The following CNBD1 variants were observed in gnomAD, a reference collection of about 807,000 sequenced individuals.
The protein encoded by CNBD1 is cyclic nucleotide-binding domain-containing protein 1.
Under a neutral mutation model 54.4 loss-of-function variants are expected in CNBD1, and 71 were observed. That is an observed-to-expected ratio of 1.30 (90% CI 1.08 to 1.59). The LOEUF is 1.59. CNBD1 is among the 40% of genes most tolerant of loss of function. The pLI, the probability that CNBD1 is intolerant of heterozygous loss-of-function variation, is 0.00. For missense variants in CNBD1, 659 were observed against 518.0 expected, an observed-to-expected ratio of 1.27 and a Z score of -2.64; for synonymous variants, 182 against 170.7, an observed-to-expected ratio of 1.07 and a Z score of -0.51.
intron 4 of CNBD1, among the ~76,000 whole-genome samples, chr8:87,065,574 C>G (rs1324334350): frequency 6.6e-6 from 1 of 151,888 alleles, no homozygotes; most frequent in African/African-American, 2.4e-5. Flanking sequence ...GGAATATTTA[C>G]TAGGCACACT....
intron 4 of CNBD1, among the ~76,000 whole-genome samples, chr8:87,003,972 T>C (rs549034705): frequency 6.1e-4 from 92 of 152,040 alleles, no homozygotes; most frequent in Non-Finnish European, 1.2e-3. Context: ...GCAAGAACCA[T>C]AGGGAAAGAA....
At chr8:87,363,467 G>C (rs576816218) in intron 10 of CNBD1, among the ~76,000 whole-genome samples, 1 of 152,232 alleles carries the variant, frequency 6.6e-6, no homozygotes, top group African/African-American at 2.4e-5. Flanking sequence ...CCCACCAACA[G>C]TGTAAAAGTG....
chr8:87,306,674 C>T (rs1433333619), intron 8 of CNBD1, among the ~76,000 whole-genome samples: 6 of 151,886 alleles, frequency 4.0e-5, no homozygotes, highest in East Asian at 1.9e-4. Flanking sequence ...GAAAACCAAA[C>T]ATCATATGTT....
At chr8:86,874,706 G>T (rs1275940834) in intron 1 of CNBD1, among the ~76,000 whole-genome samples, 2 of 151,730 alleles carry the variant, frequency 1.3e-5, no homozygotes, top group Non-Finnish European at 2.9e-5. Context: ...TATATATTTT[G>T]ATCACATTGT....
intron 2 of CNBD1, among the ~76,000 whole-genome samples, chr8:87,410,466 C>A (rs1205486951): frequency 6.6e-6 from 1 of 152,058 alleles, no homozygotes; most frequent in African/African-American, 2.4e-5. Flanking sequence ...TAAATTGCTG[C>A]AATTTCATAA....
intron 5 of CNBD1, among the ~76,000 whole-genome samples, chr8:87,233,648 C>CTT (rs1807512156): frequency 6.6e-6 from 1 of 152,006 alleles, no homozygotes; most frequent in African/African-American, 2.4e-5. Context: ...CTCTCTCTCT[C>CTT]CTTTTAGAGA....
chr8:87,077,827 T>C (rs1810906561), intron 4 of CNBD1, among the ~76,000 whole-genome samples: 1 of 152,100 alleles, frequency 6.6e-6, no homozygotes, highest in Non-Finnish European at 1.5e-5. Flanking sequence ...TTGATGGACA[T>C]TTGGGTTGGT....
chr8:87,112,118 C>G (rs1284347034), intron 4 of CNBD1, among the ~76,000 whole-genome samples: 1 of 152,166 alleles, frequency 6.6e-6, no homozygotes, highest in Non-Finnish European at 1.5e-5. Flanking sequence ...TTGACTCTAG[C>G]ATGTCCACTT....
At chr8:87,092,427 A>ATGTGTGTGTG (rs1563465479) in intron 4 of CNBD1, among the ~76,000 whole-genome samples, 3 of 140,068 alleles carry the variant, frequency 2.1e-5, no homozygotes, top group African/African-American at 8.3e-5. Context: ...GTATGTATGT[A>ATGTGTGTGTG]TGTATGTGTG....
At chr8:87,353,115 G>A (rs1350937831) in intron 9 of CNBD1, among the ~76,000 whole-genome samples, 1 of 152,142 alleles carries the variant, frequency 6.6e-6, no homozygotes, top group Non-Finnish European at 1.5e-5. Flanking sequence ...CAAAATTATA[G>A]TTCCCTGAGT....
chr8:86,898,274 A>C (rs1808878099), intron 2 of CNBD1, among the ~76,000 whole-genome samples: 1 of 152,180 alleles, frequency 6.6e-6, no homozygotes, highest in Admixed American at 6.5e-5. Context: ...GGGTGGTGAA[A>C]AAGTTCAATG....
intron 1 of CNBD1, among the ~76,000 whole-genome samples, chr8:86,876,115 G>A (rs1361663482): frequency 1.3e-5 from 2 of 151,610 alleles, no homozygotes; most frequent in Admixed American, 1.3e-4. Context: ...CATATGTATT[G>A]TCTCTTCCAT....
chr8:87,069,739 G>A (rs1810723455), intron 4 of CNBD1, among the ~76,000 whole-genome samples: 1 of 151,970 alleles, frequency 6.6e-6, no homozygotes, highest in Admixed American at 6.6e-5. Flanking sequence ...TCTTTTTCTT[G>A]TAAATTTTTA....
intron 2 of CNBD1, among the ~76,000 whole-genome samples, chr8:86,899,310 T>G (rs562239322): frequency 6.6e-6 from 1 of 152,076 alleles, no homozygotes; most frequent in Non-Finnish European, 1.5e-5. Flanking sequence ...GCTAAATGAG[T>G]AGATTTTAGC....
intron 2 of CNBD1, among the ~76,000 whole-genome samples, chr8:87,411,849 T>C (rs1023972911): frequency 2.0e-5 from 3 of 151,952 alleles, no homozygotes; most frequent in Admixed American, 6.6e-5. Flanking sequence ...AATAATAATA[T>C]AATAAGTGAC....
chr8:87,234,795 T>G (rs1037520578), intron 5 of CNBD1, among the ~76,000 whole-genome samples: 3 of 152,126 alleles, frequency 2.0e-5, no homozygotes, highest in African/African-American at 7.2e-5. Context: ...ACGAGCTGTA[T>G]GTCATCATCA....
At chr8:87,156,640 G>A (rs1000247956) in intron 4 of CNBD1, among the ~76,000 whole-genome samples, 1 of 152,046 alleles carries the variant, frequency 6.6e-6, no homozygotes. Flanking sequence ...ATTTTTTACA[G>A]GGGACGTATA....
intron 4 of CNBD1, among the ~76,000 whole-genome samples, chr8:87,020,230 TAAAC>T (rs1306905506): frequency 1.6e-4 from 25 of 152,024 alleles, no homozygotes; most frequent in Non-Finnish European, 3.5e-4. Context: ...ATTTTTTTTT[TAAAC>T]AAACCCTAGG....
chr8:86,981,689 T>C (rs376536586), intron 4 of CNBD1, among the ~76,000 whole-genome samples: 62 of 152,340 alleles, frequency 4.1e-4, no homozygotes, highest in African/African-American at 1.4e-3. Flanking sequence ...GACTTCATTT[T>C]AATCATAATA....
Sources: gnomAD v4.1 joint callset for allele counts (sites outside exome capture counted in the v4.1 genomes callset) on GRCh38, gnomAD v4.1.1 for gene constraint, MANE v1.5 for transcripts, NCBI Gene and HGNC (gene_info 2026-07-23, HGNC 2026-07-21) for gene names.